The following ICA1 variants were observed in gnomAD, a reference collection of about 807,000 sequenced individuals.
ICA1 encodes the protein 69 kDa islet cell autoantigen.
Under a neutral mutation model 71.0 loss-of-function variants are expected in ICA1, and 40 were observed. That is an observed-to-expected ratio of 0.56 (90% confidence interval 0.44 to 0.73). The LOEUF is 0.73. ICA1 is among the 30% of genes least tolerant of loss of function. The pLI is 0.00. For missense variants in ICA1, 578 were observed against 576.5 expected (o/e 1.00, Z -0.03); for synonymous variants, 207 against 209.5 (o/e 0.99, Z 0.10).
intron 1 of ICA1, among the ~76,000 whole-genome samples, chr7:8,257,847 G>C (rs1810748935): frequency 6.6e-6 from 1 of 152,130 alleles, no homozygotes. Flanking sequence ...CTTGTCCAAG[G>C]CCACTCAGCT....
chr7:8,121,742 A>T (rs1293146738), intron 13 of ICA1, among the ~76,000 whole-genome samples: 4 of 152,216 alleles, frequency 2.6e-5, no homozygotes. Flanking sequence ...TTTAAAAATA[A>T]CCCAAAGAGT....
intron 13 of ICA1, chr7:8,116,650 T>C (rs1316181214): frequency 6.6e-6 from 1 of 152,238 alleles, no homozygotes; most frequent in Non-Finnish European, 1.5e-5. Context: ...AGTGGTGCTC[T>C]AAGGAAAGCA....
At chr7:8,217,342 G>A (rs778262561) in intron 6 of ICA1, among the ~76,000 whole-genome samples, 14 of 152,174 alleles carry the variant, frequency 9.2e-5, no homozygotes, top group African/African-American at 1.9e-4. Context: ...ATTGGTGACC[G>A]TATTCTTAAG....
intron 6 of ICA1, among the ~76,000 whole-genome samples, chr7:8,210,272 G>C (rs1793199804): frequency 6.6e-6 from 1 of 152,212 alleles, no homozygotes; most frequent in African/African-American, 2.4e-5. Flanking sequence ...TGTGGAGACT[G>C]AATAATGGTA....
chr7:8,146,862 ACACACACACACACACACACG>A (rs1298184888), intron 8 of ICA1, among the ~76,000 whole-genome samples: 2 of 69,004 alleles, frequency 2.9e-5, no homozygotes, highest in African/African-American at 6.4e-5. Context: ...TCATGTACAC[ACACACACACACACACACACG>A]CACACACACA....
At chr7:8,250,240 G>A (rs936886004) in intron 1 of ICA1, among the ~76,000 whole-genome samples, 4 of 152,100 alleles carry the variant, frequency 2.6e-5, no homozygotes, top group African/African-American at 9.7e-5. Flanking sequence ...AATTTCTTAT[G>A]GAGAGAAGTG....
At chr7:8,178,574 CTTT>C (rs879700745) in intron 6 of ICA1, among the ~76,000 whole-genome samples, 160 of 138,222 alleles carry the variant, frequency 1.2e-3, no homozygotes, top group East Asian at 0.011. Context: ...TTGGTGTGGT[CTTT>C]TTTTTTTTTT....
intron 4 of ICA1, among the ~76,000 whole-genome samples, chr7:8,224,120 A>C (rs1797898745): frequency 6.6e-6 from 1 of 152,204 alleles, no homozygotes; most frequent in South Asian, 2.1e-4. Context: ...AACACAAAAA[A>C]GAAAAATACC....
chr7:8,210,817 G>A (rs772913523), intron 6 of ICA1, among the ~76,000 whole-genome samples: 2 of 152,126 alleles, frequency 1.3e-5, no homozygotes, highest in Non-Finnish European at 2.9e-5. Flanking sequence ...CAGGCTCAAG[G>A]GATCCTCACC....
chr7:8,191,050 G>A (rs1210312260), intron 6 of ICA1, among the ~76,000 whole-genome samples: 1 of 152,138 alleles, frequency 6.6e-6, no homozygotes, highest in Middle Eastern at 3.2e-3. Context: ...CAGATGTGAG[G>A]AACCATCGTC....
Position 8,128,051 on chromosome 7 carries a change from G to A in ICA1, c.1152C>T (p.Ser384=), listed in dbSNP as rs772296642. The A allele has an allele frequency of 3.7e-6, 6 of 1,614,214 alleles. No homozygotes were observed. The Admixed American group carries it at 8.3e-5, about 22-fold the overall frequency. ...LLLSEIFNAS[S]LEEGEFSKEW... ...CTTTGCTGAACTCGCCCTCTTCCAAGGAGGAAGCATTGAAGATCTCACTCA... is the reference window on the plus strand; with the variant it reads ...CTTTGCTGAACTCGCCCTCTTCCAAAGAGGAAGCATTGAAGATCTCACTCA... Residue 384 remains serine, a synonymous_variant, in exon 13 of 14, where the codon TCC becomes TCT. Transcript: ENST00000402384.
chr7:8,125,858 G>C (rs1480533404), intron 13 of ICA1, among the ~76,000 whole-genome samples: 2 of 152,182 alleles, frequency 1.3e-5, no homozygotes, highest in Non-Finnish European at 2.9e-5. Flanking sequence ...TCTTTCCGTA[G>C]CATGAGCTTG....
intron 1 of ICA1, among the ~76,000 whole-genome samples, chr7:8,247,151 C>T (rs887119351): frequency 6.6e-6 from 1 of 152,048 alleles, no homozygotes; most frequent in African/African-American, 2.4e-5. Flanking sequence ...CTTGCTAGAG[C>T]CATTTAAAAA....
rs886367577 is a variant in ICA1, at chr7:8,262,133, G to C, written c.-119C>G. 3 of 152,180 alleles carry C rather than the reference G, an allele frequency of 2.0e-5. No homozygotes were observed. Among genetic ancestry groups the C allele is most frequent in the Admixed American group, 6.5e-5 (1 of 15,288 alleles). The allele number at this position is 152,180 out of a possible 1,614,324, so 9.4% of individuals were successfully genotyped here. A position where few individuals can be genotyped will look rare whatever the true frequency, so the allele number is the denominator to read the frequency against. ...CCCCAGGAGCCTCCCGGCCGCGGTC[G>C]GAGCGTCCCTCCGGATCACTCATCC... On this transcript the variant is annotated 5_prime_UTR_variant, in exon 1 of 14. Transcript: ENST00000402384.
At chr7:8,147,593 G>A (rs1584531935) in intron 8 of ICA1, among the ~76,000 whole-genome samples, 1 of 149,790 alleles carries the variant, frequency 6.7e-6, no homozygotes, top group East Asian at 1.9e-4. Context: ...AAAGGCTCAG[G>A]GGAGTAATTT....
At chr7:8,184,430 G>A (rs1783241707) in intron 6 of ICA1, among the ~76,000 whole-genome samples, 1 of 152,172 alleles carries the variant, frequency 6.6e-6, no homozygotes, top group South Asian at 2.1e-4. Flanking sequence ...TCTTTACTTT[G>A]AAATAACAGC....
At chr7:8,178,760 T>C (rs1425303583) in intron 6 of ICA1, among the ~76,000 whole-genome samples, 1 of 152,184 alleles carries the variant, frequency 6.6e-6, no homozygotes, top group Non-Finnish European at 1.5e-5. Flanking sequence ...TCTAATTTGC[T>C]CTGCTCTGGA....
In ICA1 at chr7:8,130,462, T is replaced by C. The variant is rs1171155046; in HGVS notation, c.1061-2320A>G. Among the ~76,000 whole-genome samples, 2 of 152,230 alleles carry C rather than the reference T, an allele frequency of 1.3e-5. No homozygotes were observed. Among genetic ancestry groups the C allele is most frequent in the African/African-American group, 4.8e-5 (2 of 41,452 alleles). On this transcript the variant is annotated intron_variant, in intron 12 of 13. Coordinates refer to ENST00000402384, the MANE Select transcript of ICA1 (RefSeq NM_001136020.3). This position sits in a 1 kb window ranked among gnomAD's most constrained non-coding sequence, Gnocchi z 4.2. ...ATCACCTTTTTAAGGATTATTAACA[T>C]TACAGAACTCTATACTTCCTACTTT... is the stretch of plus-strand genomic sequence containing the variant.
chr7:8,238,857 C>A (rs986194469), intron 1 of ICA1, among the ~76,000 whole-genome samples: 1 of 152,268 alleles, frequency 6.6e-6, no homozygotes, highest in East Asian at 1.9e-4. Flanking sequence ...TCCGGGGATA[C>A]TAATATACAG....
Sources: gnomAD v4.1 joint callset for allele counts (sites outside exome capture counted in the v4.1 genomes callset) on GRCh38, gnomAD v4.1.1 for gene constraint, Gnocchi (gnomAD v3.1) non-coding constraint, MANE v1.5 for transcripts, NCBI Gene and HGNC (gene_info 2026-07-23, HGNC 2026-07-21) for gene names.